The following TRPM3 variants were observed in gnomAD, a reference collection of about 807,000 sequenced individuals.
The protein encoded by TRPM3 is transient receptor potential cation channel subfamily M member 3.
In TRPM3, 77 loss-of-function variants were observed where a neutral mutation model predicts 181.2. That is an observed-to-expected ratio of 0.42 (90% CI 0.35 to 0.51). The LOEUF is 0.51. Ranked by LOEUF, TRPM3 falls within the 20% of genes least tolerant of loss-of-function variation. TRPM3 has a pLI of 0.01. For synonymous variants in TRPM3, 745 were observed against 796.4 expected (o/e 0.94, Z 1.09); for missense variants, 1,759 against 2,196.7 (o/e 0.80, Z 3.98).
At chr9:70,882,076 TAA>T (rs2096004189) in intron 1 of TRPM3, among the ~76,000 whole-genome samples, 1 of 152,206 alleles carries the variant, frequency 6.6e-6, no homozygotes, top group African/African-American at 2.4e-5. Context: ...GCCAAAAGAC[TAA>T]GAGTCAACTC....
At chr9:71,326,760 C>T (rs1394827606) in intron 1 of TRPM3, among the ~76,000 whole-genome samples, 1 of 152,162 alleles carries the variant, frequency 6.6e-6, no homozygotes, top group East Asian at 1.9e-4. Context: ...TCCCTAGGCT[C>T]AGAAATACCT....
intron 22 of TRPM3, among the ~76,000 whole-genome samples, chr9:70,585,528 C>T (rs952090749): frequency 8.5e-5 from 13 of 152,180 alleles, no homozygotes; most frequent in African/African-American, 2.4e-4. Context: ...AAAAAGTCCC[C>T]ATACCCCCAT....
rs1006153065 is a variant in TRPM3, at chr9:70,882,330, T to C, written c.178-17819A>G. ...TCATAAATCAGATGGTAGAAAATGC[T>C]ACACTGGCATGAGCTTACATAAATT... On this transcript the variant is annotated intron_variant, in intron 1 of 25. Transcript: ENST00000677713. Among the ~76,000 whole-genome samples, 4 of 152,292 alleles carry C rather than the reference T, an allele frequency of 2.6e-5. No individual in the cohort carries two copies. In the South Asian group the frequency reaches 8.3e-4, roughly 32 times the overall value.
chr9:71,061,297 T>C lies in TRPM3; in HGVS notation c.177+59881A>G, dbSNP rs2061306501. 1.3e-5 allele frequency among the ~76,000 whole-genome samples: 2 copies of C among 152,100 alleles called. 1 individual carries two copies. Among genetic ancestry groups the C allele is most frequent in the South Asian group, 4.1e-4 (2 of 4,824 alleles). Reference sequence around the variant, plus strand: ...TCTTTTTAAATGAATGGATAAAAGATAGAGATAACTTACTGGCTTGGGACA... The same window carrying C: ...TCTTTTTAAATGAATGGATAAAAGACAGAGATAACTTACTGGCTTGGGACA... On this transcript the variant is annotated intron_variant, in intron 1 of 25. Transcript: ENST00000677713.
intron 6 of TRPM3, among the ~76,000 whole-genome samples, chr9:70,787,845 A>T (rs1433657604): frequency 6.9e-6 from 1 of 144,162 alleles, no homozygotes; most frequent in African/African-American, 2.6e-5. Flanking sequence ...GAAGAATAAC[A>T]TATATACAGA....
At chr9:71,157,776 CAT>C (rs1443263366) in intron 1 of TRPM3, among the ~76,000 whole-genome samples, 2 of 152,010 alleles carry the variant, frequency 1.3e-5, no homozygotes, top group Admixed American at 1.3e-4. Context: ...GATGGTAAGT[CAT>C]AAAAGAAATT....
intron 1 of TRPM3, among the ~76,000 whole-genome samples, chr9:71,020,435 G>T (rs2097837120): frequency 1.3e-5 from 2 of 150,818 alleles, no homozygotes; most frequent in African/African-American, 4.9e-5. Context: ...CCATGTCTGT[G>T]CCACTGCACT....
intron 1 of TRPM3, among the ~76,000 whole-genome samples, chr9:71,195,216 C>A (rs2078272142): frequency 1.3e-5 from 2 of 152,020 alleles, no homozygotes; most frequent in Admixed American, 1.3e-4. Context: ...ACAGAGTGAA[C>A]AGACAACCTA....
chr9:71,239,599 A>C (rs1470218870), intron 1 of TRPM3, among the ~76,000 whole-genome samples: 1 of 152,158 alleles, frequency 6.6e-6, no homozygotes, highest in Non-Finnish European at 1.5e-5. Context: ...TCATGAGCCA[A>C]AACAGGGAGT....
At chr9:70,857,358 G>A (rs1229550516) in intron 3 of TRPM3, among the ~76,000 whole-genome samples, 1 of 152,120 alleles carries the variant, frequency 6.6e-6, no homozygotes, top group Non-Finnish European at 1.5e-5. Flanking sequence ...GGCTGGTCAA[G>A]CCTGGGAACG....
chr9:71,132,183 A>G (rs530640074), intron 1 of TRPM3, among the ~76,000 whole-genome samples: 1 of 152,302 alleles, frequency 6.6e-6, no homozygotes, highest in Admixed American at 6.5e-5. Flanking sequence ...TAAGAAAGAT[A>G]TTATCATCCT....
At chr9:70,668,682 A>G (rs980515917) in intron 9 of TRPM3, among the ~76,000 whole-genome samples, 1 of 149,782 alleles carries the variant, frequency 6.7e-6, no homozygotes, top group South Asian at 2.1e-4. Context: ...GAAAAAAAAA[A>G]AAAAAAAAAA....
intron 1 of TRPM3, among the ~76,000 whole-genome samples, chr9:71,159,840 A>T (rs1168470007): frequency 6.6e-6 from 1 of 152,152 alleles, no homozygotes; most frequent in Non-Finnish European, 1.5e-5. Context: ...GTCTGCTGAG[A>T]TGTGAGTAGA....
intron 1 of TRPM3, among the ~76,000 whole-genome samples, chr9:71,331,452 C>T (rs996045436): frequency 6.6e-6 from 1 of 151,732 alleles, no homozygotes; most frequent in South Asian, 2.1e-4. Flanking sequence ...GACATAGTTG[C>T]CTCATTTCTC....
chr9:71,030,766 A>C lies in TRPM3; in HGVS notation c.177+90412T>G, dbSNP rs186400590. Among the ~76,000 whole-genome samples, 6 of 152,286 alleles carry C rather than the reference A, an allele frequency of 3.9e-5. No individual in the cohort carries two copies. The East Asian group carries it at 1.2e-3, about 29-fold the overall frequency. On this transcript the variant is annotated intron_variant, in intron 1 of 25. Coordinates refer to ENST00000677713, the MANE Select transcript of TRPM3 (RefSeq NM_001366145.2). ...TGTAAAAGCAAATTTATGAATCCAC[A>C]CTTAGGATTTAGTCAATGATATTTG...
chr9:70,939,504 C>T (rs559299290), intron 1 of TRPM3, among the ~76,000 whole-genome samples: 1 of 152,316 alleles, frequency 6.6e-6, no homozygotes, highest in East Asian at 1.9e-4. Context: ...GCAAGATTTA[C>T]CTTAATGCTT....
intron 1 of TRPM3, among the ~76,000 whole-genome samples, chr9:70,997,951 A>G (rs2097557130): frequency 6.6e-6 from 1 of 151,984 alleles, no homozygotes; most frequent in South Asian, 2.1e-4. Context: ...AAAGCCTCAC[A>G]ATAGAATGTC....
intron 1 of TRPM3, among the ~76,000 whole-genome samples, chr9:71,297,394 CAACTGCCTGA>C (rs2086375619): frequency 6.6e-6 from 1 of 152,172 alleles, no homozygotes. Flanking sequence ...CTGCTATAAA[CAACTGCCTGA>C]GACTGGATAA....
intron 1 of TRPM3, among the ~76,000 whole-genome samples, chr9:71,427,456 A>G (rs1182321965): frequency 6.6e-6 from 1 of 152,172 alleles, no homozygotes; most frequent in Non-Finnish European, 1.5e-5. Context: ...ACCATCATAG[A>G]TAATGGTCAC....
Sources: allele counts gnomAD v4.1 joint callset (sites outside exome capture counted in the v4.1 genomes callset), GRCh38; gene constraint gnomAD v4.1.1; transcripts MANE v1.5; gene names NCBI Gene and HGNC (gene_info 2026-07-23, HGNC 2026-07-21).